Variants in PICALM observed in about 807,000 individuals in gnomAD.
The protein encoded by PICALM is phosphatidylinositol-binding clathrin assembly protein.
Under a neutral mutation model 80.5 loss-of-function variants are expected in PICALM, and 40 were observed. The observed-to-expected ratio is 0.50, with a 90% confidence interval of 0.39 to 0.65. The LOEUF is 0.65. Among genes scored for constraint, PICALM ranks in the 30% least tolerant of loss-of-function variants. PICALM has a pLI of 0.00. For synonymous variants in PICALM, 288 were observed against 260.3 expected, an observed-to-expected ratio of 1.11 and a Z score of -1.02; for missense variants, 676 against 778.9, an observed-to-expected ratio of 0.87 and a Z score of 1.57.
chr11:86,015,709 C>A (rs776554107), intron 4 of PICALM, among the ~76,000 whole-genome samples: 2 of 152,188 alleles, frequency 1.3e-5, no homozygotes, highest in Non-Finnish European at 2.9e-5. Context: ...TTATATATCA[C>A]ACTAAGTATT....
chr11:86,052,383 T>G (rs1284536541), intron 1 of PICALM, among the ~76,000 whole-genome samples: 2 of 152,222 alleles, frequency 1.3e-5, no homozygotes, highest in Non-Finnish European at 2.9e-5. Context: ...AGCACGAGAA[T>G]AGACTAATAC....
At chr11:86,049,665 T>C (rs1310286114) in intron 1 of PICALM, among the ~76,000 whole-genome samples, 1 of 151,506 alleles carries the variant, frequency 6.6e-6, no homozygotes, top group African/African-American at 2.4e-5. Context: ...ACTCCTGACC[T>C]CAGGTGATCC....
chr11:86,057,248 T>C (rs901888469), intron 1 of PICALM, among the ~76,000 whole-genome samples: 2 of 151,912 alleles, frequency 1.3e-5, no homozygotes, highest in African/African-American at 2.4e-5. Context: ...AAGAAAATTA[T>C]GTGTGTGGGG....
chr11:86,047,056 C>T (rs2096084569), intron 1 of PICALM, among the ~76,000 whole-genome samples: 1 of 152,224 alleles, frequency 6.6e-6, no homozygotes, highest in Non-Finnish European at 1.5e-5. Context: ...GATTTAAATA[C>T]TTGTCTAAAG....
At chr11:86,057,305 G>A (rs893784122) in intron 1 of PICALM, among the ~76,000 whole-genome samples, 4 of 151,728 alleles carry the variant, frequency 2.6e-5, no homozygotes, top group African/African-American at 4.8e-5. Flanking sequence ...TTGGGAGGCC[G>A]AGAGGCAGGC....
intron 19 of PICALM, among the ~76,000 whole-genome samples, chr11:85,959,902 A>C (rs673751): frequency 0.71 from 108,506 of 151,910 alleles, 39,313 homozygotes; most frequent in African/African-American, 0.86. Flanking sequence ...TGCTAAAAAT[A>C]GAGGAATAGC....
chr11:86,037,259 AT>A (rs763255182), intron 1 of PICALM, among the ~76,000 whole-genome samples: 70 of 106,040 alleles, frequency 6.6e-4, no homozygotes, highest in East Asian at 1.3e-3. Context: ...AAAAAAGAAA[AT>A]TTTTTTTTTT....
Position 86,069,012 on chromosome 11 carries a change from G to C in PICALM, c.-232C>G, listed in dbSNP as rs1358831119. On this transcript the variant is annotated 5_prime_UTR_variant, in exon 1 of 20. Coordinates refer to ENST00000393346, the MANE Select transcript of PICALM (RefSeq NM_007166.4). Reference sequence around the variant, plus strand: ...CGGGCACTCCCTTGCCCCCGCCTCAGTTCAGCCCACCCCTTCCCGGGTCAG... The same window carrying C: ...CGGGCACTCCCTTGCCCCCGCCTCACTTCAGCCCACCCCTTCCCGGGTCAG... The C allele has an allele frequency of 1.9e-6, 1 of 538,002 alleles. No individual in the cohort carries two copies. The highest frequency in any genetic ancestry group is 3.3e-6 in the Non-Finnish European group (1 of 305,144). 33.3% of individuals were successfully genotyped at this position (538,002 alleles called of 1,614,324 possible). A position where few individuals can be genotyped will look rare whatever the true frequency, so the allele number is the denominator to read the frequency against.
chr11:86,037,328 C>A (rs1258121862), intron 1 of PICALM, among the ~76,000 whole-genome samples: 1 of 140,826 alleles, frequency 7.1e-6, no homozygotes, highest in African/African-American at 2.7e-5. Context: ...GGTGTGATCT[C>A]GGCTCACTGC....
intron 9 of PICALM, among the ~76,000 whole-genome samples, chr11:86,002,486 GA>G (rs2095170727): frequency 6.6e-6 from 1 of 152,160 alleles, no homozygotes; most frequent in African/African-American, 2.4e-5. Flanking sequence ...AGACTGATAT[GA>G]AATGATTTCT....
chr11:86,049,872 A>G (rs2096149135), intron 1 of PICALM, among the ~76,000 whole-genome samples: 3 of 151,866 alleles, frequency 2.0e-5, no homozygotes, highest in Admixed American at 2.0e-4. Flanking sequence ...TTTGCTAGGT[A>G]AAACTACATA....
intron 19 of PICALM, among the ~76,000 whole-genome samples, chr11:85,962,726 G>C (rs1201585369): frequency 1.3e-5 from 2 of 152,022 alleles, no homozygotes; most frequent in African/African-American, 2.4e-5. Flanking sequence ...ACATGACAGA[G>C]ACCACCAATA....
At chr11:86,059,466 G>A (rs543512871) in intron 1 of PICALM, among the ~76,000 whole-genome samples, 4 of 152,148 alleles carry the variant, frequency 2.6e-5, no homozygotes, top group Admixed American at 1.3e-4. Context: ...TTATGAAAGC[G>A]GTTACCTTAA....
At chr11:86,054,249 C>G (rs1343946229) in intron 1 of PICALM, among the ~76,000 whole-genome samples, 1 of 152,192 alleles carries the variant, frequency 6.6e-6, no homozygotes, top group Admixed American at 6.5e-5. Context: ...TGCATTCCTT[C>G]TTTCCTGTCT....
intron 4 of PICALM, among the ~76,000 whole-genome samples, chr11:86,021,332 A>G (rs996973560): frequency 2.0e-5 from 3 of 152,128 alleles, no homozygotes; most frequent in African/African-American, 4.8e-5. Flanking sequence ...AAGTGAAAAT[A>G]AAAAATAAAA....
At chr11:86,068,499 G>C (rs894209733) in intron 1 of PICALM, 152 bp downstream of exon 1, 6 of 692,842 alleles carry the variant, frequency 8.7e-6, no homozygotes, top group Non-Finnish European at 1.4e-5. Context: ...GGAAGCAAAA[G>C]AACACAGCTC....
At chr11:86,068,094 G>A (rs935698542) in intron 1 of PICALM, among the ~76,000 whole-genome samples, 1 of 152,194 alleles carries the variant, frequency 6.6e-6, no homozygotes, top group Non-Finnish European at 1.5e-5. Context: ...GAGGGAAGGT[G>A]GAACAGAAAG....
chr11:86,033,442 G>A (rs1270015552), intron 1 of PICALM, among the ~76,000 whole-genome samples: 1 of 151,804 alleles, frequency 6.6e-6, no homozygotes, highest in Non-Finnish European at 1.5e-5. Flanking sequence ...TCAGGTGTTT[G>A]GTACTGTTGT....
chr11:86,032,407 A>G (rs547767), intron 1 of PICALM, among the ~76,000 whole-genome samples: 125,388 of 152,118 alleles, frequency 0.82, 51,949 homozygotes, highest in African/African-American at 0.91. Context: ...TGGATCACCC[A>G]AGATCAGGAG....
Sources: allele counts gnomAD v4.1 joint callset (sites outside exome capture counted in the v4.1 genomes callset), GRCh38; gene constraint gnomAD v4.1.1; transcripts MANE v1.5; gene names NCBI Gene and HGNC (gene_info 2026-07-23, HGNC 2026-07-21).